The following SPHKAP variants were observed in gnomAD, a reference collection of about 807,000 sequenced individuals.
SPHKAP encodes SPHK1 interactor, AKAP domain containing.
In SPHKAP, 67 loss-of-function variants were observed where a neutral mutation model predicts 137.5. The ratio of observed to expected loss-of-function variants is 0.49; its 90% confidence interval spans 0.40 to 0.60. The LOEUF is 0.60. Ranked by LOEUF, SPHKAP falls within the 20% of genes least tolerant of loss-of-function variation. The pLI is 0.00. For missense variants in SPHKAP, 2,097 were observed against 2,069.3 expected (o/e 1.01, Z -0.26); for synonymous variants, 813 against 785.3 (o/e 1.04, Z -0.59).
At chr2:228,158,753 T>C (rs957502199) in intron 1 of SPHKAP, among the ~76,000 whole-genome samples, 3 of 152,198 alleles carry the variant, frequency 2.0e-5, no homozygotes, top group African/African-American at 7.2e-5. Context: ...TCTACATATT[T>C]CACATCTATT....
At chr2:228,038,307 A>ATGTT (rs1695710640) in intron 3 of SPHKAP, among the ~76,000 whole-genome samples, 1 of 152,178 alleles carries the variant, frequency 6.6e-6, no homozygotes, top group Non-Finnish European at 1.5e-5. Flanking sequence ...GTCAGGGGAC[A>ATGTT]TGTTTACAGT....
rs550102131 is a variant in SPHKAP at position 228,025,807 on chromosome 2, C to T, written c.307-279G>A. On this transcript the variant is annotated intron_variant, in intron 4 of 11. Coordinates refer to ENST00000392056, the MANE Select transcript of SPHKAP (RefSeq NM_001142644.2). The stretch of plus-strand genomic sequence containing the variant: ...TAAACATTATGATAGTAATTACTAT[C>T]ATACCACAGGTATAAACAGTAACTT... 20 of 923,346 alleles carry T rather than the reference C, an allele frequency of 2.2e-5. No individual in the cohort carries two copies. The Admixed American group carries it at 2.5e-4, about 11-fold the overall frequency. 57.2% of individuals were successfully genotyped at this position (923,346 alleles called of 1,614,324 possible).
At chr2:228,032,635 G>A (rs980499351) in intron 3 of SPHKAP, among the ~76,000 whole-genome samples, 34 of 152,096 alleles carry the variant, frequency 2.2e-4, no homozygotes, top group African/African-American at 6.8e-4. Context: ...GAGAAAGGTC[G>A]GGTTACCCAC....
Position 228,012,629 on chromosome 2 carries a change from G to T in SPHKAP, c.4448+3777C>A, listed in dbSNP as rs564889432. Among the ~76,000 whole-genome samples the T allele has an allele frequency of 1.5e-3, 223 of 152,312 alleles. 1 individual carries two copies. The highest frequency in any genetic ancestry group is 2.5e-3 in the Non-Finnish European group (170 of 68,034). On this transcript the variant is annotated intron_variant, in intron 7 of 11. Transcript: ENST00000392056. ...TCTCCCACTAGTGTGTAAGAACTAT[G>T]AGAGTAGATATCAAGTCTTTCTATT...
At chr2:228,064,863 T>A (rs1270072218) in intron 3 of SPHKAP, among the ~76,000 whole-genome samples, 1 of 152,240 alleles carries the variant, frequency 6.6e-6, no homozygotes. Context: ...TGAGCATCAC[T>A]GGATGGCCTT....
chr2:228,160,430 A>T (rs1700240233), intron 1 of SPHKAP, among the ~76,000 whole-genome samples: 1 of 152,226 alleles, frequency 6.6e-6, no homozygotes, highest in Non-Finnish European at 1.5e-5. Context: ...CAGGAAACTT[A>T]CAATCATGGC....
intron 3 of SPHKAP, among the ~76,000 whole-genome samples, chr2:228,098,144 AT>A (rs1553540203): frequency 2.7e-5 from 4 of 148,356 alleles, no homozygotes; most frequent in Admixed American, 6.6e-5. Context: ...TTGCCAACAT[AT>A]TTTTTTTTTA....
intron 1 of SPHKAP, among the ~76,000 whole-genome samples, chr2:228,156,664 G>T (rs1325053770): frequency 6.6e-6 from 1 of 152,290 alleles, no homozygotes; most frequent in Non-Finnish European, 1.5e-5. Context: ...ATCCTGAATT[G>T]TAGCTCCTAT....
chr2:228,020,095 G>A lies in SPHKAP; in HGVS notation c.759C>T (p.Thr253=). ...VLESKQLKGA[T]QVEWNCNKEK... The stretch of plus-strand genomic sequence containing the variant: ...CCTTGTTGCAATTCCATTCCACCTG[G>A]GTGGCTCCCTTTAGCTGTTTACTTT... Residue 253 remains threonine (T), a synonymous_variant, in exon 7 of 12, where the codon ACC becomes ACT. Coordinates refer to ENST00000392056, the MANE Select transcript of SPHKAP (RefSeq NM_001142644.2). 1.2e-6 allele frequency: 2 copies of A among 1,613,990 alleles called. No individual in the cohort carries two copies. Among genetic ancestry groups the A allele is most frequent in the Non-Finnish European group, 1.7e-6 (2 of 1,180,006 alleles).
At chr2:228,089,856 A>T (rs561138521) in intron 3 of SPHKAP, among the ~76,000 whole-genome samples, 1 of 152,322 alleles carries the variant, frequency 6.6e-6, no homozygotes, top group Admixed American at 6.5e-5. Context: ...ACAGTGAAGG[A>T]GGGTTGCCAT....
chr2:228,047,477 A>C (rs976992350), intron 3 of SPHKAP, among the ~76,000 whole-genome samples: 1 of 152,008 alleles, frequency 6.6e-6, no homozygotes. Context: ...AAAAAAAAAA[A>C]AAAAACAAAA....
chr2:228,002,507 T>A (rs1241246283), intron 7 of SPHKAP, among the ~76,000 whole-genome samples: 2 of 152,194 alleles, frequency 1.3e-5, no homozygotes, highest in Non-Finnish European at 1.5e-5. Flanking sequence ...TTTTCTCCCA[T>A]TTTGTAGGTT....
At chr2:228,156,692 G>A (rs555590690) in intron 1 of SPHKAP, among the ~76,000 whole-genome samples, 5 of 152,272 alleles carry the variant, frequency 3.3e-5, no homozygotes, top group East Asian at 1.9e-4. Context: ...TTGTGTTGTG[G>A]GAGGGACCCT....
At position 228,017,264 on chromosome 2, in the gene SPHKAP, T is replaced by G; in HGVS notation, c.3590A>C (p.Tyr1197Ser). The G allele has an allele frequency of 6.2e-7, 1 of 1,614,076 alleles. No homozygotes were observed. Among genetic ancestry groups the G allele is most frequent in the Non-Finnish European group, 8.5e-7 (1 of 1,180,020 alleles). ...GTCTCTTTCGATGTCCCTCAGCATG[T>G]ACCTGTAGAACTCCTCAGTGATGCT... ...TESITEEFYR[Y>S]MLRDIERDSR... Residue 1197 changes from tyrosine to serine, a missense_variant, in exon 7 of 12, where the codon TAC becomes TCC. Physicochemically the swap from Tyr to Ser is moderately radical, Grantham distance 144. Transcript: ENST00000392056.
chr2:228,039,714 A>T (rs1200150615), intron 3 of SPHKAP, among the ~76,000 whole-genome samples: 1 of 152,200 alleles, frequency 6.6e-6, no homozygotes, highest in Non-Finnish European at 1.5e-5. Flanking sequence ...TTTTCTAAAC[A>T]GTTTTATTTT....
intron 1 of SPHKAP, among the ~76,000 whole-genome samples, chr2:228,134,140 G>C (rs112628372): frequency 6.9e-6 from 1 of 144,020 alleles, no homozygotes; most frequent in Admixed American, 7.1e-5. Flanking sequence ...GAAAGAGAAA[G>C]AGAAAGAAAG....
chr2:228,100,512 G>A (rs1698155009), intron 3 of SPHKAP, among the ~76,000 whole-genome samples: 1 of 152,106 alleles, frequency 6.6e-6, no homozygotes, highest in African/African-American at 2.4e-5. Context: ...TTTGAGGTAT[G>A]TTACTTTGAT....
chr2:228,021,712 G>A lies in SPHKAP; in HGVS notation c.696C>T (p.Asn232=), dbSNP rs776204741. The A allele has an allele frequency of 3.7e-6, 6 of 1,610,184 alleles. No individual in the cohort carries two copies. Among genetic ancestry groups the A allele is most frequent in the Non-Finnish European group, 4.2e-6 (5 of 1,178,446 alleles). The change falls in exon 6 of 12, where the codon AAC becomes AAT. Residue 232 remains asparagine (N), a splice_region_variant and synonymous_variant. Transcript: ENST00000392056. ...EEESEVDESR[N]DYENINVSAN... The stretch of plus-strand genomic sequence containing the variant: ...AGGCACTAATTGGAAAGTTCTCACC[G>A]TTCCTAGATTCATCCACCTCGCTTT...
chr2:228,171,662 A>T (rs901410556), intron 1 of SPHKAP, among the ~76,000 whole-genome samples: 1 of 152,092 alleles, frequency 6.6e-6, no homozygotes, highest in Non-Finnish European at 1.5e-5. Flanking sequence ...TGTACTGGGT[A>T]TCTACTTCCT....
Sources: allele counts gnomAD v4.1 joint callset (sites outside exome capture counted in the v4.1 genomes callset), GRCh38; gene constraint gnomAD v4.1.1; transcripts MANE v1.5; gene names NCBI Gene and HGNC (gene_info 2026-07-23, HGNC 2026-07-21).